Variants in KCNH7 observed in about 807,000 individuals in gnomAD.
KCNH7 encodes voltage-gated inwardly rectifying potassium channel KCNH7.
A neutral mutation model predicts 120.8 loss-of-function variants in KCNH7; 49 were observed. That is an observed-to-expected ratio of 0.41 (90% confidence interval 0.32 to 0.51). The LOEUF (loss-of-function observed/expected upper bound fraction) is 0.51, where lower values mean the gene tolerates loss of function less well. Among genes scored for constraint, KCNH7 ranks in the 20% least tolerant of loss-of-function variants. The probability of loss-of-function intolerance (pLI) is 0.38; values close to 1 mark genes in which losing one functional copy is unlikely to be tolerated. For synonymous variants in KCNH7, 547 were observed against 516.1 expected, an observed-to-expected ratio of 1.06 and a Z score of -0.81; for missense variants, 1,097 against 1,446.6, an observed-to-expected ratio of 0.76 and a Z score of 3.92.
chr2:162,774,053 T>A (rs1027796545), intron 2 of KCNH7, among the ~76,000 whole-genome samples: 1 of 152,160 alleles, frequency 6.6e-6, no homozygotes, highest in African/African-American at 2.4e-5. Context: ...TCCAGTGTCA[T>A]GGATTAGTGA....
chr2:162,563,268 A>C lies in KCNH7; in HGVS notation c.308-26188T>G, dbSNP rs117460663. Among the ~76,000 whole-genome samples, 69 of 152,312 alleles carry C rather than the reference A, an allele frequency of 4.5e-4. 1 individual carries two copies. In the East Asian group the frequency reaches 0.01, roughly 23 times the overall value. ...GGGGTTTGCAGCATGAAATCATATA[A>C]TGGCTTATACAAGAGCACTAGACAC... On this transcript the variant is annotated intron_variant, in intron 2 of 15. Coordinates refer to ENST00000332142, the MANE Select transcript of KCNH7 (RefSeq NM_033272.4).
chr2:162,541,368 G>A (rs2105836618), intron 2 of KCNH7, among the ~76,000 whole-genome samples: 1 of 152,204 alleles, frequency 6.6e-6, no homozygotes, highest in South Asian at 2.1e-4. Flanking sequence ...CAGAGATTGG[G>A]TAGGAGCAGA....
At chr2:162,716,898 A>C (rs1328949765) in intron 2 of KCNH7, among the ~76,000 whole-genome samples, 1 of 152,172 alleles carries the variant, frequency 6.6e-6, no homozygotes, top group Non-Finnish European at 1.5e-5. Flanking sequence ...TTATATTTAT[A>C]ATTCTGGTTG....
chr2:162,385,986 T>C (rs1033716944), intron 12 of KCNH7, among the ~76,000 whole-genome samples: 36 of 151,900 alleles, frequency 2.4e-4, no homozygotes, highest in Admixed American at 1.3e-4. Context: ...TAAAAGCAGA[T>C]AGAGTTTAAA....
intron 2 of KCNH7, chr2:162,797,175 C>G (rs1252966044): frequency 2.0e-5 from 3 of 152,054 alleles, no homozygotes; most frequent in African/African-American, 7.2e-5. Flanking sequence ...TGACTGCAGT[C>G]TTTCATTGTG....
intron 2 of KCNH7, among the ~76,000 whole-genome samples, chr2:162,727,497 T>C (rs1424147117): frequency 6.6e-6 from 1 of 152,186 alleles, no homozygotes; most frequent in African/African-American, 2.4e-5. Context: ...CACCCCACTC[T>C]ACCCATAGTC....
intron 2 of KCNH7, among the ~76,000 whole-genome samples, chr2:162,662,689 C>A (rs564202176): frequency 6.6e-6 from 1 of 152,282 alleles, no homozygotes; most frequent in African/African-American, 2.4e-5. Context: ...TTTCTTTGAT[C>A]TCAGTAAACT....
intron 2 of KCNH7, among the ~76,000 whole-genome samples, chr2:162,559,145 T>C (rs917186798): frequency 1.1e-4 from 17 of 152,186 alleles, no homozygotes; most frequent in African/African-American, 4.1e-4. Flanking sequence ...AGATCTAGTT[T>C]TTATTTTTCA....
intron 2 of KCNH7, chr2:162,784,621 A>G (rs1683632674): frequency 6.6e-6 from 1 of 152,092 alleles, no homozygotes; most frequent in South Asian, 2.1e-4. Flanking sequence ...TAAGCCAGAG[A>G]ACTCCAGGTT....
At chr2:162,760,730 G>C (rs1688940459) in intron 2 of KCNH7, among the ~76,000 whole-genome samples, 1 of 152,052 alleles carries the variant, frequency 6.6e-6, no homozygotes, top group East Asian at 1.9e-4. Flanking sequence ...ATACAAATAA[G>C]CTTGGCTTCA....
chr2:162,388,812 A>G (rs1348241327), intron 12 of KCNH7, among the ~76,000 whole-genome samples: 1 of 152,006 alleles, frequency 6.6e-6, no homozygotes, highest in Non-Finnish European at 1.5e-5. Flanking sequence ...CCAGTATTAC[A>G]AAGTGATAGT....
At chr2:162,650,806 T>A (rs1388869202) in intron 2 of KCNH7, among the ~76,000 whole-genome samples, 2 of 152,100 alleles carry the variant, frequency 1.3e-5, no homozygotes, top group Non-Finnish European at 2.9e-5. Flanking sequence ...ATATAATATC[T>A]GATACGTAGG....
At chr2:162,681,763 T>C (rs1289193154) in intron 2 of KCNH7, among the ~76,000 whole-genome samples, 3 of 151,584 alleles carry the variant, frequency 2.0e-5, no homozygotes, top group Non-Finnish European at 3.0e-5. Context: ...AGTGTATACG[T>C]GTTTAAATTA....
chr2:162,528,773 G>C (rs183365423), intron 3 of KCNH7, among the ~76,000 whole-genome samples: 18 of 152,058 alleles, frequency 1.2e-4, no homozygotes, highest in Admixed American at 1.2e-3. Flanking sequence ...GCTTAAAGCA[G>C]GAATACTAAT....
chr2:162,424,049 A>T (rs1291472706), intron 8 of KCNH7, among the ~76,000 whole-genome samples: 1 of 152,150 alleles, frequency 6.6e-6, no homozygotes, highest in Non-Finnish European at 1.5e-5. Context: ...ATTATTTTGA[A>T]TACATTAGGT....
intron 2 of KCNH7, among the ~76,000 whole-genome samples, chr2:162,599,823 T>C (rs952913272): frequency 4.9e-4 from 75 of 152,254 alleles, no homozygotes; most frequent in African/African-American, 1.7e-3. Context: ...AATTGTACAA[T>C]ACACAATTAT....
chr2:162,717,607 G>A (rs752403475), intron 2 of KCNH7, among the ~76,000 whole-genome samples: 40 of 152,014 alleles, frequency 2.6e-4, no homozygotes, highest in Non-Finnish European at 1.6e-4. Flanking sequence ...TCTCAAAGAG[G>A]ACTTTCTTGA....
At chr2:162,564,126 A>G (rs1259207068) in intron 2 of KCNH7, among the ~76,000 whole-genome samples, 1 of 152,032 alleles carries the variant, frequency 6.6e-6, no homozygotes, top group African/African-American at 2.4e-5. Context: ...CTTACCACAT[A>G]TAATTATTTT....
intron 2 of KCNH7, among the ~76,000 whole-genome samples, chr2:162,652,184 G>A (rs181484383): frequency 7.9e-5 from 12 of 152,158 alleles, no homozygotes; most frequent in South Asian, 2.1e-4. Context: ...GGAAAGAGCC[G>A]AGACTTAATA....
Sources: gnomAD v4.1 joint callset for allele counts (sites outside exome capture counted in the v4.1 genomes callset) on GRCh38, gnomAD v4.1.1 for gene constraint, MANE v1.5 for transcripts, NCBI Gene and HGNC (gene_info 2026-07-23, HGNC 2026-07-21) for gene names.